POLR3A: variants seen among roughly 807,000 people sequenced by gnomAD.
POLR3A encodes RNA polymerase III subunit A.
In POLR3A, 112 loss-of-function variants were observed where a neutral mutation model predicts 152.8. The observed-to-expected ratio is 0.73, with a 90% CI of 0.63 to 0.86. The LOEUF (loss-of-function observed/expected upper bound fraction) is 0.86, where lower values mean the gene tolerates loss of function less well. POLR3A is among the 40% of genes least tolerant of loss of function. The probability of loss-of-function intolerance (pLI) is 0.00; values close to 1 mark genes in which losing one functional copy is unlikely to be tolerated. For synonymous variants in POLR3A, 615 were observed against 652.1 expected, an observed-to-expected ratio of 0.94 and a Z score of 0.87; for missense variants, 1,385 against 1,743.1, an observed-to-expected ratio of 0.79 and a Z score of 3.66.
At chr10:78,014,977 CAAAT>C (rs1310428649) in intron 10 of POLR3A, among the ~76,000 whole-genome samples, 3 of 152,110 alleles carry the variant, frequency 2.0e-5, no homozygotes, top group Non-Finnish European at 2.9e-5. Context: ...GCAATGATAA[CAAAT>C]GAATTAATTA....
intron 9 of POLR3A, among the ~76,000 whole-genome samples, chr10:78,018,624 C>T (rs901520851): frequency 6.6e-6 from 1 of 152,026 alleles, no homozygotes; most frequent in East Asian, 1.9e-4. Flanking sequence ...GCTCTGTCGC[C>T]CAGGCTGGAG....
chr10:78,024,397 T>A, intron 5 of POLR3A, 152 bp downstream of exon 5: 4 of 633,392 alleles, frequency 6.3e-6, no homozygotes, highest in Non-Finnish European at 1.1e-5. Context: ...AAAGGAATTA[T>A]CGGAGAGCTG....
chr10:78,025,100 C>T lies in POLR3A; in HGVS notation c.361G>A (p.Glu121Lys), dbSNP rs772321979. Residue 121 changes from glutamate to lysine, a missense_variant, in exon 4 of 31, where the codon GAG becomes AAG. Transcript: ENST00000372371. ...AGATAGTCCAGAAACTGCTTCTTCT[C>T]CTCTTGGGACAGCATGATGTGGCAG... ...TCCHIMLSQE[E>K]KKQFLDYLKR... 1.9e-6 allele frequency: 3 copies of T among 1,614,184 alleles called. No individual in the cohort carries two copies. The highest frequency in any genetic ancestry group is 1.7e-5 in the Admixed American group (1 of 60,022).
chr10:77,988,063 C>T (rs1281560083), intron 21 of POLR3A, among the ~76,000 whole-genome samples: 3 of 152,224 alleles, frequency 2.0e-5, no homozygotes, highest in Non-Finnish European at 4.4e-5. Flanking sequence ...AAGGGGCTAC[C>T]TCGGGGGCCC....
chr10:77,991,064 C>A lies in POLR3A; in HGVS notation c.2891G>T (p.Ser964Ile). The change falls in exon 21 of 31, where the codon AGC (serine) becomes ATC (isoleucine). Residue 964 changes from serine to isoleucine, a missense_variant. This residue lies in a region of POLR3A where 178 missense variants were observed against 204.6 expected (regional missense o/e 0.87). Coordinates refer to ENST00000372371, the MANE Select transcript of POLR3A (RefSeq NM_007055.4). ...KKSEFLCCQD[S>I]FLQEIKKFIK... is the part of the protein sequence containing the mutation. ...CCTGGCAGAGCTCACCTGCAGGAAG[C>A]TGTCCTGGCAGCAGAGGAACTCACT... 6.3e-7 allele frequency: 1 copy of A among 1,598,742 alleles called. No homozygotes were observed. Among genetic ancestry groups the A allele is most frequent in the Middle Eastern group, 1.7e-4 (1 of 6,004 alleles).
At chr10:78,004,252 C>CAAACAA (rs776096584) in intron 16 of POLR3A, among the ~76,000 whole-genome samples, 59 of 151,794 alleles carry the variant, frequency 3.9e-4, no homozygotes, top group African/African-American at 1.3e-3. Context: ...GACTCCGTCT[C>CAAACAA]AAACAAAAAC....
chr10:78,029,064 G>C (rs1337045660), intron 1 of POLR3A, among the ~76,000 whole-genome samples: 1 of 152,078 alleles, frequency 6.6e-6, no homozygotes, highest in Non-Finnish European at 1.5e-5. Context: ...TGAAGAACAG[G>C]GATCATTGTA....
chr10:77,982,055 AAAAAAAAAAAAG>A, intron 28 of POLR3A, 87 bp downstream of exon 28: 1 of 712,634 alleles, frequency 1.4e-6, no homozygotes, highest in Non-Finnish European at 2.1e-6. Flanking sequence ...AAAAAAAAAA[AAAAAAAAAAAAG>A]AAGTATACTG....
intron 30 of POLR3A, among the ~76,000 whole-genome samples, 173 bp downstream of exon 30, chr10:77,979,968 G>C (rs1847124574): frequency 6.6e-6 from 1 of 152,220 alleles, no homozygotes. Context: ...GGATGCTACA[G>C]TCAGGATTTG....
chr10:77,986,304 T>C (rs575648596), intron 21 of POLR3A, 145 bp from the exon 22 acceptor site: 66 of 689,000 alleles, frequency 9.6e-5, no homozygotes, highest in African/African-American at 3.7e-4. Context: ...CCAATCTGGA[T>C]ACTGCTTCTA....
chr10:78,009,497 C>A, intron 14 of POLR3A, 40 bp downstream of exon 14: 1 of 1,614,074 alleles, frequency 6.2e-7, no homozygotes, highest in South Asian at 1.1e-5. Context: ...GCTTTTCTGT[C>A]ACGTTCCTCC....
chr10:78,020,571 G>C (rs527822549), intron 8 of POLR3A, among the ~76,000 whole-genome samples: 1 of 151,832 alleles, frequency 6.6e-6, no homozygotes, highest in African/African-American at 2.4e-5. Context: ...GGCGGATCAC[G>C]AGGTCAGGAG....
chr10:77,991,428 C>T lies in POLR3A; in HGVS notation c.2788-261G>A, dbSNP rs537130694. On this transcript the variant is annotated intron_variant, in intron 20 of 30. Coordinates refer to ENST00000372371, the MANE Select transcript of POLR3A (RefSeq NM_007055.4). ...TCACTTCCCAGCCTTCGCCACCCCA[C>T]TGCCCCCCACCAGATTTACATTAAA... 2.0e-5 allele frequency among the ~76,000 whole-genome samples: 3 copies of T among 152,340 alleles called. No homozygotes were observed. In the East Asian group the frequency reaches 5.8e-4, roughly 29 times the overall value.
At chr10:77,982,392 G>C (rs1472558523) in intron 27 of POLR3A, 74 bp from the exon 28 acceptor site, 10 of 1,402,958 alleles carry the variant, frequency 7.1e-6, no homozygotes, top group Non-Finnish European at 9.1e-6. Context: ...GATCACCCCA[G>C]CTTTCAGCAG....
intron 9 of POLR3A, 40 bp downstream of exon 9, chr10:78,019,122 G>A: frequency 7.3e-7 from 1 of 1,361,882 alleles, no homozygotes; most frequent in Non-Finnish European, 1.1e-6. Flanking sequence ...GCTTTGCCAT[G>A]AGAAAGTAGT....
chr10:77,976,790 C>A lies in POLR3A; in HGVS notation c.*688G>T, dbSNP rs1460573831. ...ATGAAAACAACAGGGTAGCCAGGGG[C>A]ATCTATAGAAGATGTTACAGAGCTG... On this transcript the variant is annotated 3_prime_UTR_variant, in exon 31 of 31. Coordinates refer to ENST00000372371, the MANE Select transcript of POLR3A (RefSeq NM_007055.4). 6.6e-6 allele frequency: 1 copy of A among 152,566 alleles called. No homozygotes were observed. The highest frequency in any genetic ancestry group is 1.5e-5 in the Non-Finnish European group (1 of 68,418). The allele number at this position is 152,566 out of a possible 1,614,324, so 9.5% of individuals were successfully genotyped here.
intron 16 of POLR3A, 38 bp from the exon 17 acceptor site, chr10:78,002,346 C>G (rs942468390): frequency 7.9e-7 from 1 of 1,263,022 alleles, no homozygotes; most frequent in Non-Finnish European, 1.1e-6. Flanking sequence ...GGGTTGTCCT[C>G]ATTGTCTCTG....
chr10:78,021,608 G>A lies in POLR3A; in HGVS notation c.1123C>T (p.Leu375Phe). 6.2e-7 allele frequency: 1 copy of A among 1,614,122 alleles called. No individual in the cohort carries two copies. Among genetic ancestry groups the A allele is most frequent in the Non-Finnish European group, 8.5e-7 (1 of 1,179,992 alleles). Residue 375 changes from leucine to phenylalanine, a missense_variant, in exon 8 of 31, where the codon CTC (leucine) becomes TTC (phenylalanine). By Grantham distance (22) the Leu-to-Phe change is conservative. Coordinates refer to ENST00000372371, the MANE Select transcript of POLR3A (RefSeq NM_007055.4). ...GRTVISPDPN[L>F]RIDEVAVPVH... Reference sequence around the variant, plus strand: ...GGCACAGCTACCTCATCAATCCGGAGGTTGGGGTCGGGCGAGATGACTGTT... The same window carrying A: ...GGCACAGCTACCTCATCAATCCGGAAGTTGGGGTCGGGCGAGATGACTGTT...
At chr10:78,014,028 A>G (rs2131952784) in intron 10 of POLR3A, among the ~76,000 whole-genome samples, 1 of 152,294 alleles carries the variant, frequency 6.6e-6, no homozygotes, top group African/African-American at 2.4e-5. Context: ...GTGGTAACAC[A>G]TGCCTATAAT....
Sources: allele counts gnomAD v4.1 joint callset (sites outside exome capture counted in the v4.1 genomes callset), GRCh38; gene constraint gnomAD v4.1.1; regional missense constraint gnomAD v4.1.1; transcripts MANE v1.5; gene names NCBI Gene and HGNC (gene_info 2026-07-23, HGNC 2026-07-21).